The following ST8SIA6 variants were observed in gnomAD, a reference collection of about 807,000 sequenced individuals.
ST8SIA6 encodes ST8 alpha-N-acetyl-neuraminide alpha-2,8-sialyltransferase 6, also known as alpha-2,8-sialyltransferase 8F.
Under a neutral mutation model 33.6 loss-of-function variants are expected in ST8SIA6, and 39 were observed. The observed-to-expected ratio is 1.16, with a 90% CI of 0.90 to 1.52. ST8SIA6 has a LOEUF of 1.52. Among genes scored for constraint, ST8SIA6 ranks in the 40% most tolerant of loss-of-function variants. The pLI is 0.00. For missense variants in ST8SIA6, 441 were observed against 443.8 expected (o/e 0.99, Z 0.06); for synonymous variants, 172 against 167.2 (o/e 1.03, Z -0.22).
chr10:17,349,468 A>G (rs1030706661), intron 4 of ST8SIA6, among the ~76,000 whole-genome samples: 1 of 152,234 alleles, frequency 6.6e-6, no homozygotes, highest in Admixed American at 6.5e-5. Flanking sequence ...TCTAATATAT[A>G]ACGGACTCTG....
At position 17,379,165 on chromosome 10, in the gene ST8SIA6, T is replaced by C. The variant is rs78856402; in HGVS notation, c.290+11366A>G. ...AAACAAAAAAAACCGAAGGGACTTT[T>C]CCCAAAGATCTAGCTAGGCAACTTG... On this transcript the variant is annotated intron_variant, in intron 3 of 7. Transcript: ENST00000377602. Among the ~76,000 whole-genome samples, 1,319 of 151,482 alleles carry C rather than the reference T, an allele frequency of 8.7e-3. 15 individuals are homozygous for C. Among genetic ancestry groups the C allele is most frequent in the African/African-American group, 0.031 (1,260 of 41,134 alleles).
chr10:17,453,720 T>C, intron 1 of ST8SIA6, 63 bp from the exon 2 acceptor site: 1 of 1,194,446 alleles, frequency 8.4e-7, no homozygotes, highest in South Asian at 4.1e-5. Context: ...GCTGAAAGGC[T>C]GGGAGTCGCG....
chr10:17,403,100 A>G (rs1351360401), intron 2 of ST8SIA6, among the ~76,000 whole-genome samples: 1 of 152,168 alleles, frequency 6.6e-6, no homozygotes, highest in Non-Finnish European at 1.5e-5. Context: ...TCTGAATTTC[A>G]GTCTCCCTCC....
chr10:17,419,392 CAT>C (rs1851708496), intron 2 of ST8SIA6, among the ~76,000 whole-genome samples: 2 of 152,106 alleles, frequency 1.3e-5, no homozygotes, highest in South Asian at 4.1e-4. Flanking sequence ...ATTAGCTGGG[CAT>C]GGCAGTGTGT....
In ST8SIA6 at chr10:17,323,157, C is replaced by T; in HGVS notation, c.636G>A (p.Arg212=). The T allele has an allele frequency of 6.2e-7, 1 of 1,611,678 alleles. No homozygotes were observed. The highest frequency in any genetic ancestry group is 8.5e-7 in the Non-Finnish European group (1 of 1,179,170). The change falls in exon 7 of 8, where the codon AGG becomes AGA. Residue 212 remains arginine, a splice_region_variant and synonymous_variant. Coordinates refer to ENST00000377602, the MANE Select transcript of ST8SIA6 (RefSeq NM_001004470.3). ...CTCCTGTGGTTGGGGGTAGGTTACA[C>T]CTGAAATTTGAAAAGAAAATCATTT... ...TEIDKSDFVF[R]CNLPPTTGDV... is the part of the protein sequence containing the mutation.
intron 3 of ST8SIA6, among the ~76,000 whole-genome samples, chr10:17,376,274 T>C (rs951284894): frequency 7.9e-5 from 12 of 152,186 alleles, no homozygotes; most frequent in African/African-American, 2.9e-4. Context: ...CCAGTATCCC[T>C]GAATCAACAT....
chr10:17,438,043 C>A (rs1204572938), intron 2 of ST8SIA6, among the ~76,000 whole-genome samples: 1 of 152,118 alleles, frequency 6.6e-6, no homozygotes, highest in East Asian at 1.9e-4. Flanking sequence ...CCCCCTGTTT[C>A]TGTAGGTTGC....
intron 2 of ST8SIA6, among the ~76,000 whole-genome samples, chr10:17,432,450 A>G (rs1852130992): frequency 6.6e-6 from 1 of 152,212 alleles, no homozygotes; most frequent in Non-Finnish European, 1.5e-5. Context: ...AATGCGTACG[A>G]ATGTGAATTT....
chr10:17,385,012 G>A (rs756145113), intron 3 of ST8SIA6, among the ~76,000 whole-genome samples: 40 of 151,482 alleles, frequency 2.6e-4, no homozygotes, highest in Non-Finnish European at 5.2e-4. Flanking sequence ...TTTGTTTTTT[G>A]TTTGTTTGTT....
intron 2 of ST8SIA6, among the ~76,000 whole-genome samples, chr10:17,390,879 A>G (rs1377949646): frequency 7.1e-6 from 1 of 140,006 alleles, no homozygotes; most frequent in Non-Finnish European, 1.5e-5. Context: ...TTTTTTTGAG[A>G]TGGAGTTTCA....
At chr10:17,442,147 G>T (rs990451045) in intron 2 of ST8SIA6, among the ~76,000 whole-genome samples, 1 of 152,208 alleles carries the variant, frequency 6.6e-6, no homozygotes, top group African/African-American at 2.4e-5. Context: ...GATTACAGGC[G>T]TGGGCCACTG....
intron 2 of ST8SIA6, among the ~76,000 whole-genome samples, chr10:17,412,838 GGTGA>G (rs1419310903): frequency 1.3e-5 from 2 of 152,104 alleles, no homozygotes; most frequent in African/African-American, 2.4e-5. Flanking sequence ...AAGAGAAAAA[GGTGA>G]GTGTTTTTAG....
chr10:17,352,982 G>A (rs916471452), intron 4 of ST8SIA6, among the ~76,000 whole-genome samples: 2 of 152,002 alleles, frequency 1.3e-5, no homozygotes, highest in East Asian at 1.9e-4. Flanking sequence ...AATAAAATAT[G>A]TATTGCTTTC....
At chr10:17,437,128 C>T (rs1852291445) in intron 2 of ST8SIA6, among the ~76,000 whole-genome samples, 1 of 151,966 alleles carries the variant, frequency 6.6e-6, no homozygotes, top group Admixed American at 6.6e-5. Flanking sequence ...ATTTCACTTA[C>T]AGATTCATTT....
At chr10:17,444,481 T>G (rs1852626710) in intron 2 of ST8SIA6, among the ~76,000 whole-genome samples, 1 of 152,208 alleles carries the variant, frequency 6.6e-6, no homozygotes, top group Non-Finnish European at 1.5e-5. Flanking sequence ...CTTCATGAAC[T>G]GCTGCCCTGT....
intron 2 of ST8SIA6, among the ~76,000 whole-genome samples, chr10:17,420,229 G>A (rs181856935): frequency 0.019 from 2,902 of 152,186 alleles, 38 homozygotes; most frequent in Middle Eastern, 0.054. Context: ...CTGGCTACAC[G>A]GGGAAACCCC....
rs545470801 is a variant in ST8SIA6 at position 17,437,284 on chromosome 10, C to T, written c.200+16275G>A. Among the ~76,000 whole-genome samples the T allele has an allele frequency of 3.3e-4, 50 of 152,142 alleles. No homozygotes were observed. In the South Asian group the frequency reaches 1.0e-2, roughly 30 times the overall value. On this transcript the variant is annotated intron_variant, in intron 2 of 7. Coordinates refer to ENST00000377602, the MANE Select transcript of ST8SIA6 (RefSeq NM_001004470.3). Reference sequence around the variant, plus strand: ...AAGCAATTCTTCTGCCTCAACCTGCCAAGTAGTTGGGACTACACATGTGCC... The same window carrying T: ...AAGCAATTCTTCTGCCTCAACCTGCTAAGTAGTTGGGACTACACATGTGCC...
At chr10:17,343,625 A>G in intron 4 of ST8SIA6, among the ~76,000 whole-genome samples, 1 of 152,132 alleles carries the variant, frequency 6.6e-6, no homozygotes, top group East Asian at 1.9e-4. Context: ...TAAAACACAG[A>G]AAGAGAGCCC....
chr10:17,445,016 T>C (rs1453148909), intron 2 of ST8SIA6, among the ~76,000 whole-genome samples: 1 of 152,182 alleles, frequency 6.6e-6, no homozygotes, highest in African/African-American at 2.4e-5. Flanking sequence ...GTGAAAAACC[T>C]TTTATTGCTC....
Sources: allele counts gnomAD v4.1 joint callset (sites outside exome capture counted in the v4.1 genomes callset), GRCh38; gene constraint gnomAD v4.1.1; transcripts MANE v1.5; gene names NCBI Gene and HGNC (gene_info 2026-07-23, HGNC 2026-07-21).